The following LRRC37A2 variants were observed in gnomAD, a reference collection of about 807,000 sequenced individuals.
The protein encoded by LRRC37A2 is leucine rich repeat containing 37 member A2, also known as leucine-rich repeat-containing protein 37A2.
Under a neutral mutation model 68.8 loss-of-function variants are expected in LRRC37A2, and 9 were observed. The ratio of observed to expected loss-of-function variants is 0.13; its 90% confidence interval spans 0.08 to 0.23. The LOEUF is 0.23. LRRC37A2 is among the 10% of genes least tolerant of loss of function. LRRC37A2 has a pLI of 1.00. For missense variants in LRRC37A2, 168 were observed against 950.4 expected (o/e 0.18, Z 10.82); for synonymous variants, 63 against 367.6 (o/e 0.17, Z 9.48).
At chr17:46,836,370 T>C in the LRRC37A2 span, among the ~76,000 whole-genome samples, 1 of 152,180 alleles carries the variant, frequency 6.6e-6, no homozygotes, top group East Asian at 1.9e-4. Context: ...TAGGGATGCT[T>C]TCTCTTTTCA....
chr17:46,724,180 A>C, the LRRC37A2 span, among the ~76,000 whole-genome samples: 1 of 152,182 alleles, frequency 6.6e-6, no homozygotes, highest in Non-Finnish European at 1.5e-5. Flanking sequence ...TCATGCTTCA[A>C]GTCTCAGGTT....
the LRRC37A2 span, among the ~76,000 whole-genome samples, chr17:46,987,436 CT>C: frequency 6.6e-6 from 1 of 152,094 alleles, no homozygotes; most frequent in Non-Finnish European, 1.5e-5. Context: ...TAAAACAACT[CT>C]TTTTTCGCAT....
chr17:47,002,855 C>T, the LRRC37A2 span, among the ~76,000 whole-genome samples: 1 of 151,954 alleles, frequency 6.6e-6, no homozygotes, highest in East Asian at 1.9e-4. Flanking sequence ...TATGAATGTA[C>T]CACAATTTGT....
chr17:46,819,775 C>G, the LRRC37A2 span, among the ~76,000 whole-genome samples: 1 of 152,248 alleles, frequency 6.6e-6, no homozygotes, highest in Non-Finnish European at 1.5e-5. This position sits in a 1 kb window ranked among gnomAD's most constrained non-coding sequence, Gnocchi z 5.3. Context: ...TCCTTCCAGG[C>G]CCCCTTCGGG....
chr17:46,940,531 CGGCA>C, the LRRC37A2 span: 2 of 1,613,868 alleles, frequency 1.2e-6, no homozygotes, highest in Non-Finnish European at 1.7e-6. Context: ...GAGACTGCGA[CGGCA>C]AGGCTGTCCT....
the LRRC37A2 span, chr17:46,755,750 GTTT>G: frequency 9.0e-7 from 1 of 1,106,592 alleles, no homozygotes; most frequent in Non-Finnish European, 1.3e-6. Flanking sequence ...TTGATGAATA[GTTT>G]TTTACGGACC....
the LRRC37A2 span, among the ~76,000 whole-genome samples, chr17:46,766,579 A>T: frequency 6.6e-6 from 1 of 152,062 alleles, no homozygotes; most frequent in Admixed American, 6.5e-5. Flanking sequence ...AGGTAGTGCC[A>T]CCTGCTGCCT....
the LRRC37A2 span, among the ~76,000 whole-genome samples, chr17:46,801,032 C>T: frequency 6.6e-6 from 1 of 152,190 alleles, no homozygotes; most frequent in East Asian, 1.9e-4. Flanking sequence ...GTCTAACTCA[C>T]TGAGTACACA....
the LRRC37A2 span, chr17:46,949,013 A>G: frequency 2.0e-5 from 3 of 152,216 alleles, no homozygotes; most frequent in African/African-American, 7.2e-5. Context: ...ACCCACCTGC[A>G]TTGTGATCCA....
At chr17:46,959,449 AAGG>A in the LRRC37A2 span, among the ~76,000 whole-genome samples, 1 of 152,220 alleles carries the variant, frequency 6.6e-6, no homozygotes, top group Admixed American at 6.5e-5. Flanking sequence ...TCGCTTGAGA[AAGG>A]AGAGTTTTTT....
At chr17:47,035,758 T>C in the LRRC37A2 span, among the ~76,000 whole-genome samples, 15 of 152,194 alleles carry the variant, frequency 9.9e-5, no homozygotes, top group African/African-American at 3.6e-4. Context: ...CAGTGGCTGC[T>C]CCATTTTACA....
chr17:46,951,150 G>T, the LRRC37A2 span, among the ~76,000 whole-genome samples: 227 of 152,328 alleles, frequency 1.5e-3, 1 homozygote, highest in African/African-American at 5.3e-3. Flanking sequence ...GTTATTGACA[G>T]AAACTGGCAC....
the LRRC37A2 span, among the ~76,000 whole-genome samples, chr17:46,791,927 C>T: frequency 6.6e-6 from 1 of 152,168 alleles, no homozygotes. Flanking sequence ...GTAGTCCCAG[C>T]TACTGGGGAG....
chr17:47,026,931 G>A, the LRRC37A2 span, among the ~76,000 whole-genome samples: 3 of 129,024 alleles, frequency 2.3e-5, no homozygotes, highest in South Asian at 7.5e-4. Flanking sequence ...GTTTGTTTGT[G>A]ATGGAGTCTC....
the LRRC37A2 span, among the ~76,000 whole-genome samples, chr17:46,729,195 TG>T: frequency 8.3e-3 from 1,268 of 152,288 alleles, 6 homozygotes; most frequent in Non-Finnish European, 0.014. Context: ...TTTGTTGTTT[TG>T]TAAGTTTTCC....
chr17:46,820,912 G>A, the LRRC37A2 span, among the ~76,000 whole-genome samples: 1 of 152,156 alleles, frequency 6.6e-6, no homozygotes, highest in East Asian at 1.9e-4. Context: ...GATGCAGTAT[G>A]GTGGGGCGAC....
the LRRC37A2 span, among the ~76,000 whole-genome samples, chr17:46,485,934 C>T: frequency 3.6e-5 from 3 of 82,558 alleles, 1 homozygote; most frequent in African/African-American, 8.4e-5. Flanking sequence ...TCCGAGATCG[C>T]GCCACTGCAC....
chr17:46,923,840 C>G, the LRRC37A2 span: 3 of 399,032 alleles, frequency 7.5e-6, no homozygotes, highest in Non-Finnish European at 1.3e-5. Context: ...CATCGTCCTG[C>G]ACTTTCGGAA....
the LRRC37A2 span, among the ~76,000 whole-genome samples, chr17:46,974,008 T>C: frequency 4.3e-4 from 65 of 152,308 alleles, no homozygotes; most frequent in African/African-American, 1.5e-3. Flanking sequence ...CGTGCACCCC[T>C]CTATGTGAAC....
Sources: gnomAD v4.1 joint callset for allele counts (sites outside exome capture counted in the v4.1 genomes callset) on GRCh38, gnomAD v4.1.1 for gene constraint, Gnocchi (gnomAD v3.1) non-coding constraint, MANE v1.5 for transcripts, NCBI Gene and HGNC (gene_info 2026-07-23, HGNC 2026-07-21) for gene names.